The following PIK3C2G variants were observed in gnomAD, a reference collection of about 807,000 sequenced individuals.
PIK3C2G encodes the protein phosphatidylinositol-4-phosphate 3-kinase catalytic subunit type 2 gamma, also known as phosphatidylinositol 3-kinase C2 domain-containing subunit gamma.
In PIK3C2G, 168 loss-of-function variants were observed where a neutral mutation model predicts 181.1. The ratio of observed to expected loss-of-function variants is 0.93; its 90% CI spans 0.82 to 1.05. The LOEUF is 1.05. Among genes scored for constraint, PIK3C2G ranks in the 50% least tolerant of loss-of-function variants. The pLI is 0.00. For missense variants in PIK3C2G, 1,869 were observed against 1,732.8 expected (o/e 1.08, Z -1.40); for synonymous variants, 573 against 592.2 (o/e 0.97, Z 0.47).
intron 19 of PIK3C2G, 108 bp downstream of exon 19, chr12:18,488,737 A>C: frequency 1.3e-5 from 8 of 622,636 alleles, no homozygotes; most frequent in Non-Finnish European, 1.9e-5. Flanking sequence ...CTTAAATAGA[A>C]GATACTTAAA....
rs570439144 is a variant in PIK3C2G, at chr12:18,623,005, G to A, written c.4182+13376G>A. Among the ~76,000 whole-genome samples the A allele has an allele frequency of 2.2e-4, 34 of 151,604 alleles. No individual in the cohort carries two copies. In the East Asian group the frequency reaches 3.9e-3, roughly 17 times the overall value. On this transcript the variant is annotated intron_variant, in intron 31 of 32. Transcript: ENST00000538779. Reference sequence around the variant, plus strand: ...TCCATTCTATAGGTTGTCTCTTTGCGTTGTTTATTGTTTCTTTTGCTGTGC... The same window carrying A: ...TCCATTCTATAGGTTGTCTCTTTGCATTGTTTATTGTTTCTTTTGCTGTGC...
rs1391054015 is a variant in PIK3C2G, at chr12:18,346,841, G to A, written c.1625+5G>A. 1.3e-6 allele frequency: 2 copies of A among 1,579,740 alleles called. No homozygotes were observed. Among genetic ancestry groups the A allele is most frequent in the South Asian group, 2.3e-5 (2 of 87,064 alleles). ...TCCAGAAACCTGGGTGCACAGGTGA[G>A]TGGTGGTGAGTTTTTCACAAAAGCA... On this transcript the variant is annotated splice_donor_5th_base_variant and intron_variant, in intron 11 of 32. Coordinates refer to ENST00000538779, the MANE Select transcript of PIK3C2G (RefSeq NM_001288772.2).
At chr12:18,541,014 TA>T (rs1407177904) in intron 25 of PIK3C2G, among the ~76,000 whole-genome samples, 5 of 151,968 alleles carry the variant, frequency 3.3e-5, no homozygotes, top group Admixed American at 6.6e-5. Flanking sequence ...AAACCAAGTT[TA>T]AATTTGTGAA....
At chr12:18,535,949 G>A (rs972661341) in intron 24 of PIK3C2G, among the ~76,000 whole-genome samples, 2 of 122,566 alleles carry the variant, frequency 1.6e-5, no homozygotes, top group Non-Finnish European at 3.2e-5. Context: ...CACACACCAG[G>A]GCCTGCTGTG....
chr12:18,653,709 G>A, the PIK3C2G span, among the ~76,000 whole-genome samples: 1 of 152,098 alleles, frequency 6.6e-6, no homozygotes, highest in South Asian at 2.1e-4. Context: ...AGTAGACTCT[G>A]AGTTTAATAA....
intron 32 of PIK3C2G, among the ~76,000 whole-genome samples, chr12:18,643,445 A>G (rs1005487717): frequency 2.0e-5 from 3 of 152,106 alleles, no homozygotes; most frequent in Non-Finnish European, 4.4e-5. Context: ...AGTAGTAGTC[A>G]TTAGGACAGT....
At chr12:18,448,760 ATT>A (rs1355218134) in intron 18 of PIK3C2G, among the ~76,000 whole-genome samples, 1 of 151,884 alleles carries the variant, frequency 6.6e-6, no homozygotes, top group African/African-American at 2.4e-5. Context: ...ATAATGAAAT[ATT>A]GTTACAAATT....
chr12:18,420,857 A>T, intron 16 of PIK3C2G, 84 bp from the exon 17 acceptor site: 1 of 739,154 alleles, frequency 1.4e-6, no homozygotes. Context: ...CTGGGGGTAG[A>T]ATTCATTCTC....
At chr12:18,405,850 A>G (rs1341657636) in intron 16 of PIK3C2G, among the ~76,000 whole-genome samples, 1 of 152,174 alleles carries the variant, frequency 6.6e-6, no homozygotes, top group Non-Finnish European at 1.5e-5. Context: ...GCTAATTAAC[A>G]AAGTCATCAT....
chr12:18,692,986 A>T, the PIK3C2G span: 1 of 1,400,208 alleles, frequency 7.1e-7, no homozygotes, highest in Admixed American at 1.7e-5. Flanking sequence ...AGAATTAAAG[A>T]CTATCTTCTC....
intron 30 of PIK3C2G, among the ~76,000 whole-genome samples, chr12:18,596,232 T>C (rs1338697504): frequency 3.3e-5 from 5 of 152,098 alleles, no homozygotes; most frequent in African/African-American, 1.2e-4. Flanking sequence ...CCAAACTGAT[T>C]ACTTCATGTG....
intron 31 of PIK3C2G, among the ~76,000 whole-genome samples, chr12:18,621,454 G>A (rs908544080): frequency 1.3e-5 from 2 of 151,782 alleles, no homozygotes; most frequent in African/African-American, 4.8e-5. Context: ...TATTGAGTTA[G>A]AAAAAGAATT....
intron 5 of PIK3C2G, among the ~76,000 whole-genome samples, chr12:18,300,197 T>G (rs1391875641): frequency 6.6e-6 from 1 of 152,016 alleles, no homozygotes; most frequent in Admixed American, 6.6e-5. Context: ...TTATTACTGA[T>G]TCAGTCTTAT....
In PIK3C2G at chr12:18,488,524, T is replaced by C; in HGVS notation, c.2580T>C (p.Cys860=). The change falls in exon 19 of 33, where the codon TGT becomes TGC. Residue 860 remains cysteine (C), a synonymous_variant. Coordinates refer to ENST00000538779, the MANE Select transcript of PIK3C2G (RefSeq NM_001288772.2). The part of the protein sequence containing the change: ...YQKLLAALQF[C]AGKALNDEFS... ...AGCTACTAGCTGCTCTCCAATTCTGTGCAGGTAAAGCCTTGAATGATGAGT... is the reference window on the plus strand; with the variant it reads ...AGCTACTAGCTGCTCTCCAATTCTGCGCAGGTAAAGCCTTGAATGATGAGT... 1 of 1,591,504 alleles carries C rather than the reference T, an allele frequency of 6.3e-7. No homozygotes were observed. Among genetic ancestry groups the C allele is most frequent in the Non-Finnish European group, 8.6e-7 (1 of 1,169,108 alleles).
At chr12:18,655,740 A>C in the PIK3C2G span, among the ~76,000 whole-genome samples, 1 of 88,874 alleles carries the variant, frequency 1.1e-5, no homozygotes, top group Non-Finnish European at 2.3e-5. Context: ...CACAGCCCCA[A>C]CCTTATCATG....
intron 14 of PIK3C2G, among the ~76,000 whole-genome samples, chr12:18,384,064 C>A (rs1436028260): frequency 1.3e-5 from 2 of 151,452 alleles, no homozygotes; most frequent in Admixed American, 1.3e-4. Flanking sequence ...TCAAGCAATC[C>A]TCCTGCCCCA....
Position 18,640,570 on chromosome 12 carries a change from CT to C in PIK3C2G, c.4308+20del. ...CAATGAAATTGTAAGTATAAGTCAC[CT>C]TTTGTCCAGTCATTTTGTATTTTTC... is the stretch of plus-strand genomic sequence containing the variant. On this transcript the variant is annotated intron_variant, in intron 32 of 32. Coordinates refer to ENST00000538779, the MANE Select transcript of PIK3C2G (RefSeq NM_001288772.2). The C allele has an allele frequency of 6.4e-7, 1 of 1,572,002 alleles. No homozygotes were observed. The highest frequency in any genetic ancestry group is 8.6e-7 in the Non-Finnish European group (1 of 1,158,646).
chr12:18,596,082 A>C (rs1438739241), intron 30 of PIK3C2G, among the ~76,000 whole-genome samples: 2 of 152,080 alleles, frequency 1.3e-5, no homozygotes, highest in African/African-American at 2.4e-5. Flanking sequence ...ATAAATAATT[A>C]CTGAATAAAT....
chr12:18,592,001 A>G (rs1947108258), intron 29 of PIK3C2G, among the ~76,000 whole-genome samples: 1 of 151,738 alleles, frequency 6.6e-6, no homozygotes, highest in Non-Finnish European at 1.5e-5. Context: ...AAGTAGGTAC[A>G]CTCTATTGTG....
Sources: allele counts gnomAD v4.1 joint callset (sites outside exome capture counted in the v4.1 genomes callset), GRCh38; gene constraint gnomAD v4.1.1; transcripts MANE v1.5; gene names NCBI Gene and HGNC (gene_info 2026-07-23, HGNC 2026-07-21).